The following CSGALNACT1 variants were observed in gnomAD, a reference collection of about 807,000 sequenced individuals.
The protein encoded by CSGALNACT1 is chondroitin sulfate N-acetylgalactosaminyltransferase 1, also known as beta4GalNAcT-1.
CSGALNACT1 carries 52 observed loss-of-function variants against 51.0 expected under a neutral mutation model. The observed-to-expected ratio is 1.02, with a 90% CI of 0.82 to 1.29. The LOEUF is 1.29. Among genes scored for constraint, CSGALNACT1 ranks in the 50% most tolerant of loss-of-function variants. The probability of loss-of-function intolerance (pLI) is 0.00; values close to 1 mark genes in which losing one functional copy is unlikely to be tolerated. For synonymous variants in CSGALNACT1, 341 were observed against 254.4 expected, an observed-to-expected ratio of 1.34 and a Z score of -3.24; for missense variants, 935 against 679.2, an observed-to-expected ratio of 1.38 and a Z score of -4.19.
At chr8:19,513,258 A>G (rs933099113) in intron 3 of CSGALNACT1, among the ~76,000 whole-genome samples, 3 of 151,942 alleles carry the variant, frequency 2.0e-5, no homozygotes, top group Non-Finnish European at 4.4e-5. Context: ...GATAGCGACA[A>G]TGTGGGAGAA....
At chr8:19,657,770 C>T (rs181814041) in intron 1 of CSGALNACT1, among the ~76,000 whole-genome samples, 18 of 152,206 alleles carry the variant, frequency 1.2e-4, no homozygotes, top group African/African-American at 3.4e-4. Flanking sequence ...TGAGGACAGA[C>T]GTAGCATGCG....
intron 1 of CSGALNACT1, among the ~76,000 whole-genome samples, chr8:19,698,069 G>A (rs2061671564): frequency 4.1e-5 from 3 of 72,984 alleles, no homozygotes; most frequent in South Asian, 4.9e-4. Context: ...GCTCCACTGC[G>A]GGGGCTGAAG....
chr8:19,499,235 T>G (rs2076010609), intron 4 of CSGALNACT1, among the ~76,000 whole-genome samples: 1 of 152,242 alleles, frequency 6.6e-6, no homozygotes, highest in African/African-American at 2.4e-5. Flanking sequence ...TGCCCCTTTA[T>G]TACAGTCACA....
chr8:19,733,347 C>T (rs749165666), intron 1 of CSGALNACT1, among the ~76,000 whole-genome samples: 1 of 152,168 alleles, frequency 6.6e-6, no homozygotes, highest in African/African-American at 2.4e-5. Context: ...GGCCCACACT[C>T]CACCAATTAT....
intron 4 of CSGALNACT1, among the ~76,000 whole-genome samples, chr8:19,464,613 G>A (rs1163167373): frequency 1.3e-5 from 2 of 152,104 alleles, no homozygotes; most frequent in Non-Finnish European, 2.9e-5. Flanking sequence ...GGGAGCAGTG[G>A]GTGAGTGAGC....
intron 1 of CSGALNACT1, among the ~76,000 whole-genome samples, chr8:19,607,632 C>G (rs1168628439): frequency 6.6e-6 from 1 of 152,236 alleles, no homozygotes; most frequent in African/African-American, 2.4e-5. Context: ...GATGCCATCA[C>G]AGAGCCTAAT....
At chr8:19,550,708 G>A (rs1278448304) in intron 3 of CSGALNACT1, among the ~76,000 whole-genome samples, 1 of 151,988 alleles carries the variant, frequency 6.6e-6, no homozygotes, top group African/African-American at 2.4e-5. Flanking sequence ...TTTATTTCGG[G>A]GGGCAGGGGC....
chr8:19,581,797 C>T (rs10087491), intron 3 of CSGALNACT1, among the ~76,000 whole-genome samples: 5,715 of 152,202 alleles, frequency 0.038, 312 homozygotes, highest in African/African-American at 0.12. Context: ...AGAATAAAAA[C>T]GGATTATCTT....
At chr8:19,653,326 C>T (rs569913663) in intron 1 of CSGALNACT1, among the ~76,000 whole-genome samples, 23 of 152,284 alleles carry the variant, frequency 1.5e-4, no homozygotes, top group African/African-American at 5.3e-4. Flanking sequence ...GGCAGCAATC[C>T]TCCCCTCTCT....
chr8:19,459,578 T>C (rs894568004), intron 4 of CSGALNACT1, among the ~76,000 whole-genome samples: 2 of 152,032 alleles, frequency 1.3e-5, no homozygotes, highest in Non-Finnish European at 2.9e-5. Flanking sequence ...TGATATTTAG[T>C]TTCATATCTT....
chr8:19,457,744 T>C, intron 5 of CSGALNACT1: 2 of 1,349,652 alleles, frequency 1.5e-6, no homozygotes, highest in Non-Finnish European at 2.0e-6. Flanking sequence ...ATCTGAGCCA[T>C]CACAGCTTCT....
At chr8:19,590,048 G>A (rs1340956020) in intron 3 of CSGALNACT1, among the ~76,000 whole-genome samples, 1 of 152,122 alleles carries the variant, frequency 6.6e-6, no homozygotes, top group Non-Finnish European at 1.5e-5. Context: ...AGAAAGAATT[G>A]TCACATCCTA....
intron 1 of CSGALNACT1, among the ~76,000 whole-genome samples, chr8:19,616,536 A>G (rs1463834668): frequency 1.3e-5 from 2 of 152,178 alleles, no homozygotes; most frequent in Non-Finnish European, 2.9e-5. Flanking sequence ...TCATGTTGAA[A>G]TGTAATCTGC....
intron 1 of CSGALNACT1, among the ~76,000 whole-genome samples, chr8:19,666,994 A>AG (rs1491144133): frequency 1.9e-3 from 43 of 22,256 alleles, no homozygotes; most frequent in African/African-American, 3.8e-3. Flanking sequence ...AAAGAAAGAA[A>AG]GAAAGAAAGA....
At chr8:19,541,553 ATTTTTTT>A (rs1159626193) in intron 3 of CSGALNACT1, among the ~76,000 whole-genome samples, 4 of 70,098 alleles carry the variant, frequency 5.7e-5, no homozygotes, top group Admixed American at 1.7e-4. Context: ...TGCTCAGCCA[ATTTTTTT>A]TTTTTTTTTT....
At chr8:19,484,438 T>A (rs2072334325) in intron 4 of CSGALNACT1, among the ~76,000 whole-genome samples, 1 of 152,174 alleles carries the variant, frequency 6.6e-6, no homozygotes, top group African/African-American at 2.4e-5. Context: ...TTTATTTTAA[T>A]TTATAAAGGA....
rs767586655 is a variant in CSGALNACT1 at position 19,458,412 on chromosome 8, G to A, written c.851+14C>T. 2.5e-6 allele frequency: 4 copies of A among 1,605,088 alleles called. No individual in the cohort carries two copies. The Admixed American group carries it at 5.0e-5, about 20-fold the overall frequency. ...ATCATGCGGAGGAAGATAAACACGT[G>A]CGAACAAACCAACCTGAAATTCTGC... On this transcript the variant is annotated intron_variant, in intron 5 of 9. Coordinates refer to ENST00000454498, the Ensembl canonical transcript of CSGALNACT1.
At chr8:19,671,141 G>A (rs2059767234) in intron 1 of CSGALNACT1, among the ~76,000 whole-genome samples, 1 of 152,188 alleles carries the variant, frequency 6.6e-6, no homozygotes, top group Admixed American at 6.5e-5. Flanking sequence ...CTGGCCTGAA[G>A]GGTGTTGGAA....
At chr8:19,525,313 C>G (rs570821837) in intron 3 of CSGALNACT1, among the ~76,000 whole-genome samples, 1 of 152,122 alleles carries the variant, frequency 6.6e-6, no homozygotes, top group East Asian at 1.9e-4. Context: ...CACTAAAAAC[C>G]TGCAGAATGG....
Sources: allele counts gnomAD v4.1 joint callset (sites outside exome capture counted in the v4.1 genomes callset), GRCh38; gene constraint gnomAD v4.1.1; transcripts MANE v1.5; gene names NCBI Gene and HGNC (gene_info 2026-07-23, HGNC 2026-07-21).